Variants in SLC22A14 observed in about 807,000 individuals in gnomAD.
SLC22A14 encodes the protein organic cation transporter-like 4.
SLC22A14 carries 50 observed loss-of-function variants against 53.9 expected under a neutral mutation model. The ratio of observed to expected loss-of-function variants is 0.93; its 90% CI spans 0.74 to 1.17. The LOEUF is 1.17. Among genes scored for constraint, SLC22A14 ranks in the 50% most tolerant of loss-of-function variants. The pLI, the probability that SLC22A14 is intolerant of heterozygous loss-of-function variation, is 0.00. For synonymous variants in SLC22A14, 312 were observed against 303.0 expected (o/e 1.03, Z -0.31); for missense variants, 671 against 734.7 (o/e 0.91, Z 1.00).
At chr3:38,299,251 C>T (rs56349847) in intron 1 of SLC22A14, among the ~76,000 whole-genome samples, 172 of 152,248 alleles carry the variant, frequency 1.1e-3, no homozygotes, top group African/African-American at 4.0e-3. Flanking sequence ...ATCAGAATTA[C>T]ACAAAAAGCT....
At chr3:38,310,357 A>C (rs954542181) in intron 5 of SLC22A14, among the ~76,000 whole-genome samples, 3 of 152,182 alleles carry the variant, frequency 2.0e-5, no homozygotes, top group African/African-American at 7.2e-5. Flanking sequence ...CAGCCTGGGC[A>C]AAAGAGTGAG....
rs116171857 is a variant in SLC22A14 at position 38,316,408 on chromosome 3, C to T, written c.1617C>T (p.Leu539=). Residue 539 remains leucine, a synonymous_variant, in exon 10 of 11, where the codon CTC becomes CTT. Transcript: ENST00000448498. ...CAATCATCAGCCAGACCCCCTCCCTCCTGCCCATCTTTCTCTGCTGCGTCT... is the reference window on the plus strand; with the variant it reads ...CAATCATCAGCCAGACCCCCTCCCTTCTGCCCATCTTTCTCTGCTGCGTCT... ...SLTIISQTPS[L]LPIFLCCVLA... 229 of 1,614,202 alleles carry T rather than the reference C, an allele frequency of 1.4e-4. No individual in the cohort carries two copies. Among genetic ancestry groups the T allele is most frequent in the Non-Finnish European group, 1.8e-4 (212 of 1,180,030 alleles).
At chr3:38,312,907 A>G in intron 5 of SLC22A14, 92 bp from the exon 6 acceptor site, 1 of 1,503,840 alleles carries the variant, frequency 6.6e-7, no homozygotes, top group Non-Finnish European at 9.0e-7. Flanking sequence ...TCATGCTGGC[A>G]CAGGATGGCC....
chr3:38,310,959 T>C (rs818811), intron 5 of SLC22A14, among the ~76,000 whole-genome samples: 98,003 of 152,032 alleles, frequency 0.64, 31,877 homozygotes, highest in Admixed American at 0.7. Context: ...ACATATTAAC[T>C]CTCCTATAAT....
intron 2 of SLC22A14, among the ~76,000 whole-genome samples, chr3:38,306,886 A>T (rs1704320464): frequency 6.6e-6 from 1 of 152,228 alleles, no homozygotes; most frequent in Non-Finnish European, 1.5e-5. Context: ...GGGGCTTCCC[A>T]ACCCGAGCTG....
At chr3:38,296,870 G>C (rs76356105) in intron 1 of SLC22A14, among the ~76,000 whole-genome samples, 9,753 of 152,254 alleles carry the variant, frequency 0.064, 372 homozygotes, top group East Asian at 0.16. Context: ...TGGATCAGGA[G>C]CACATGAGAC....
intron 1 of SLC22A14, among the ~76,000 whole-genome samples, chr3:38,292,359 T>C (rs550253519): frequency 2.6e-5 from 4 of 152,278 alleles, no homozygotes; most frequent in Middle Eastern, 3.4e-3. Context: ...AAGGCATCCT[T>C]AAGGTCCAGG....
rs1419630669 is a variant in SLC22A14 at position 38,285,418 on chromosome 3, CCT to C, written c.-1+3082_-1+3083del. ...AGTCCACCTCTTCCTTGACATCATT[CCT>C]CTGTCTCCCCTCAGAGATGGTTTCC... On this transcript the variant is annotated intron_variant, in intron 1 of 10. Transcript: ENST00000448498. Among the ~76,000 whole-genome samples, 5 of 152,216 alleles carry C rather than the reference CCT, an allele frequency of 3.3e-5. 1 individual carries two copies. Among genetic ancestry groups the C allele is most frequent in the Admixed American group, 2.6e-4 (4 of 15,288 alleles).
In SLC22A14 at chr3:38,318,312, C is replaced by G; in HGVS notation, c.*63C>G. ...CTGAGATTGGACCCATACCCTGTCTCCAACCCTGCCTTGAAGCAATTCAAT... is the reference window on the plus strand; with the variant it reads ...CTGAGATTGGACCCATACCCTGTCTGCAACCCTGCCTTGAAGCAATTCAAT... On this transcript the variant is annotated 3_prime_UTR_variant, in exon 11 of 11. Transcript: ENST00000448498. The G allele has an allele frequency of 6.9e-7, 1 of 1,444,262 alleles. No individual in the cohort carries two copies. Among genetic ancestry groups the G allele is most frequent in the South Asian group, 1.1e-5 (1 of 87,656 alleles). The allele number at this position is 1,444,262 out of a possible 1,614,324, so 89.5% of individuals were successfully genotyped here.
chr3:38,318,145 C>T (rs1704671611), intron 10 of SLC22A14, 53 bp from the exon 11 acceptor site: 1 of 1,561,002 alleles, frequency 6.4e-7, no homozygotes, highest in Non-Finnish European at 8.8e-7. Flanking sequence ...CGCTGCTTTT[C>T]TCAGCTTCCA....
intron 1 of SLC22A14, among the ~76,000 whole-genome samples, chr3:38,284,643 C>A (rs1703749415): frequency 6.6e-6 from 1 of 152,126 alleles, no homozygotes; most frequent in Non-Finnish European, 1.5e-5. Context: ...GCTTAGGGAG[C>A]AAGTTCCCGT....
At chr3:38,308,874 A>G (rs1575419760) in intron 4 of SLC22A14, 80 bp from the exon 5 acceptor site, 1 of 1,296,686 alleles carries the variant, frequency 7.7e-7, no homozygotes, top group East Asian at 2.3e-5. Context: ...GCAGGTGGGG[A>G]CACCCAGCAA....
At chr3:38,292,904 A>G (rs1177865922) in intron 1 of SLC22A14, among the ~76,000 whole-genome samples, 2 of 152,128 alleles carry the variant, frequency 1.3e-5, no homozygotes, top group Non-Finnish European at 2.9e-5. Context: ...TGGCTGGGAG[A>G]AGTATCTAGT....
upstream of SLC22A14, among the ~76,000 whole-genome samples, chr3:38,280,787 G>A (rs1023337901): frequency 7.9e-5 from 12 of 152,182 alleles, no homozygotes; most frequent in South Asian, 2.1e-4. Flanking sequence ...GCGCCACTGC[G>A]CCAGGCTAAT....
upstream of SLC22A14, among the ~76,000 whole-genome samples, chr3:38,281,306 A>C (rs1010290539): frequency 2.0e-5 from 3 of 152,116 alleles, no homozygotes; most frequent in Non-Finnish European, 4.4e-5. Flanking sequence ...AAATTCTTTT[A>C]ATTTTTTTTT....
intron 1 of SLC22A14, among the ~76,000 whole-genome samples, chr3:38,290,823 G>C (rs958406916): frequency 6.6e-6 from 1 of 152,100 alleles, no homozygotes; most frequent in African/African-American, 2.4e-5. Context: ...TTTAATGAAG[G>C]GTCCTGCTTT....
chr3:38,293,909 C>T (rs529073561), intron 1 of SLC22A14, among the ~76,000 whole-genome samples: 2 of 152,242 alleles, frequency 1.3e-5, no homozygotes, highest in African/African-American at 2.4e-5. Context: ...GGGTTAATGT[C>T]GGATTTAGCA....
chr3:38,316,744 C>G (rs1704634114), intron 10 of SLC22A14, among the ~76,000 whole-genome samples: 1 of 152,248 alleles, frequency 6.6e-6, no homozygotes, highest in Non-Finnish European at 1.5e-5. Flanking sequence ...CCCTCCTGAC[C>G]CGGACTGGGC....
chr3:38,307,183 C>G lies in SLC22A14; in HGVS notation c.517-71C>G. 1.9e-6 allele frequency: 2 copies of G among 1,072,378 alleles called. No individual in the cohort carries two copies. Among genetic ancestry groups the G allele is most frequent in the Non-Finnish European group, 1.5e-6 (1 of 685,216 alleles). The allele number at this position is 1,072,378 out of a possible 1,614,324, so 66.4% of individuals were successfully genotyped here. A position where few individuals can be genotyped will look rare whatever the true frequency, so the allele number is the denominator to read the frequency against. ...AGGTCCCCTTGGCCTATAGGTCCCACGCTGGGATGAGTCTCAGTCTCTGGA... is the reference window on the plus strand; with the variant it reads ...AGGTCCCCTTGGCCTATAGGTCCCAGGCTGGGATGAGTCTCAGTCTCTGGA... On this transcript the variant is annotated intron_variant, in intron 2 of 10. Coordinates refer to ENST00000448498, the MANE Select transcript of SLC22A14 (RefSeq NM_001320033.2). This position sits in a 1 kb window ranked among gnomAD's most constrained non-coding sequence, Gnocchi z 4.4.
Sources: gnomAD v4.1 joint callset for allele counts (sites outside exome capture counted in the v4.1 genomes callset) on GRCh38, gnomAD v4.1.1 for gene constraint, Gnocchi (gnomAD v3.1) non-coding constraint, MANE v1.5 for transcripts, NCBI Gene and HGNC (gene_info 2026-07-23, HGNC 2026-07-21) for gene names.